Variants in EMILIN2 observed in about 807,000 individuals in gnomAD.
EMILIN2 encodes the protein elastin microfibril interfacer 2, also known as EMILIN-2.
EMILIN2 carries 71 observed loss-of-function variants against 87.1 expected under a neutral mutation model. That is an observed-to-expected ratio of 0.82 (90% CI 0.67 to 0.99). The LOEUF is 0.99. Ranked by LOEUF, EMILIN2 falls within the 50% of genes least tolerant of loss-of-function variation. The pLI, the probability that EMILIN2 is intolerant of heterozygous loss-of-function variation, is 0.00. For synonymous variants in EMILIN2, 581 were observed against 563.4 expected, an observed-to-expected ratio of 1.03 and a Z score of -0.44; for missense variants, 1,407 against 1,371.8, an observed-to-expected ratio of 1.03 and a Z score of -0.40.
At chr18:2,912,265 TC>T (rs2076944918) in intron 7 of EMILIN2, among the ~76,000 whole-genome samples, 1 of 152,036 alleles carries the variant, frequency 6.6e-6, no homozygotes. Flanking sequence ...GGTCTCAAAC[TC>T]CTGACCTCAG....
intron 2 of EMILIN2, among the ~76,000 whole-genome samples, chr18:2,870,528 C>CA (rs1305705968): frequency 1.3e-5 from 2 of 152,170 alleles, no homozygotes; most frequent in Non-Finnish European, 2.9e-5. Context: ...GAAAGATAAA[C>CA]ATAAATAATT....
intron 2 of EMILIN2, among the ~76,000 whole-genome samples, chr18:2,866,538 CATTA>C (rs1190337893): frequency 6.6e-6 from 1 of 152,156 alleles, no homozygotes; most frequent in Non-Finnish European, 1.5e-5. Flanking sequence ...GATTTGTGTA[CATTA>C]ATTTTGTATC....
intron 2 of EMILIN2, among the ~76,000 whole-genome samples, chr18:2,851,400 G>A (rs1003305207): frequency 7.9e-5 from 12 of 152,102 alleles, no homozygotes; most frequent in Non-Finnish European, 2.9e-5. Flanking sequence ...ACGTCACTGC[G>A]CTCCAGCCTG....
intron 2 of EMILIN2, among the ~76,000 whole-genome samples, chr18:2,854,003 A>T (rs935742558): frequency 1.3e-5 from 2 of 152,090 alleles, no homozygotes; most frequent in Non-Finnish European, 2.9e-5. Context: ...TGGTTTTAGT[A>T]TTGGGGGCTT....
At chr18:2,866,619 G>C (rs148932824) in intron 2 of EMILIN2, among the ~76,000 whole-genome samples, 1 of 152,120 alleles carries the variant, frequency 6.6e-6, no homozygotes, top group Non-Finnish European at 1.5e-5. Flanking sequence ...GGTTTTCTAC[G>C]TATATAATCA....
intron 3 of EMILIN2, among the ~76,000 whole-genome samples, chr18:2,888,955 A>G (rs188413939): frequency 3.2e-3 from 494 of 152,208 alleles, no homozygotes; most frequent in Non-Finnish European, 5.3e-3. Flanking sequence ...ATTCTGAATT[A>G]ATTTCCAATG....
intron 4 of EMILIN2, among the ~76,000 whole-genome samples, chr18:2,895,286 A>G (rs899168291): frequency 6.6e-6 from 1 of 152,082 alleles, no homozygotes; most frequent in Non-Finnish European, 1.5e-5. Context: ...CGAGCAGAGT[A>G]CAGAGGCTGA....
At chr18:2,885,519 T>C (rs1019829515) in intron 3 of EMILIN2, among the ~76,000 whole-genome samples, 17 of 152,142 alleles carry the variant, frequency 1.1e-4, no homozygotes, top group South Asian at 2.1e-4. Context: ...AAAATTGTTT[T>C]TTATTTTTTA....
Position 2,847,860 on chromosome 18 carries a change from G to A in EMILIN2, c.186G>A (p.Glu62=), listed in dbSNP as rs1399287181. ...VNKNVSCSVL[E]GSESFIQAQY... Reference sequence around the variant, plus strand: ...AGAATGTGAGCTGCTCCGTGCTGGAGGGAAGTGAGAGTTTTATTCAGGCTC... The same window carrying A: ...AGAATGTGAGCTGCTCCGTGCTGGAAGGAAGTGAGAGTTTTATTCAGGCTC... Residue 62 remains glutamate (E), a synonymous_variant, in exon 2 of 8, where the codon GAG becomes GAA. Coordinates refer to ENST00000254528, the MANE Select transcript of EMILIN2 (RefSeq NM_032048.3). This position sits in a 1 kb window ranked among gnomAD's most constrained non-coding sequence, Gnocchi z 4.5. 6.2e-7 allele frequency: 1 copy of A among 1,613,566 alleles called. No individual in the cohort carries two copies. Among genetic ancestry groups the A allele is most frequent in the Non-Finnish European group, 8.5e-7 (1 of 1,179,846 alleles).
chr18:2,870,311 G>A (rs2076713298), intron 2 of EMILIN2, among the ~76,000 whole-genome samples: 1 of 152,198 alleles, frequency 6.6e-6, no homozygotes, highest in Admixed American at 6.5e-5. Context: ...GAAAATGTTG[G>A]ATTAAGGATT....
chr18:2,850,237 G>A (rs780635938), intron 2 of EMILIN2, among the ~76,000 whole-genome samples: 1 of 151,840 alleles, frequency 6.6e-6, no homozygotes, highest in Non-Finnish European at 1.5e-5. Flanking sequence ...ACCATGTCTG[G>A]CCCCTAAGTT....
At chr18:2,889,469 G>A (rs1269405511) in intron 3 of EMILIN2, among the ~76,000 whole-genome samples, 4 of 152,002 alleles carry the variant, frequency 2.6e-5, no homozygotes, top group African/African-American at 7.2e-5. Context: ...TGTATTCAGG[G>A]CATAGTTTGT....
intron 3 of EMILIN2, among the ~76,000 whole-genome samples, chr18:2,887,360 CCCT>C (rs1286845222): frequency 6.6e-6 from 1 of 151,994 alleles, no homozygotes; most frequent in African/African-American, 2.4e-5. Flanking sequence ...AATGTTTGTC[CCCT>C]CCAAATCTCA....
intron 2 of EMILIN2, among the ~76,000 whole-genome samples, chr18:2,866,690 C>T (rs1325329808): frequency 6.6e-6 from 1 of 152,136 alleles, no homozygotes; most frequent in South Asian, 2.1e-4. Flanking sequence ...CCCTTTATTT[C>T]TTTCTTGTCT....
intron 4 of EMILIN2, among the ~76,000 whole-genome samples, chr18:2,902,303 C>T (rs56284467): frequency 6.6e-6 from 1 of 152,266 alleles, no homozygotes; most frequent in Non-Finnish European, 1.5e-5. Flanking sequence ...GTTACCAGGC[C>T]TTGTGCTAGG....
chr18:2,909,452 C>A (rs1334672376), intron 6 of EMILIN2, among the ~76,000 whole-genome samples: 3 of 152,228 alleles, frequency 2.0e-5, no homozygotes, highest in African/African-American at 7.2e-5. Context: ...TGCCCAGCCT[C>A]ACACACACCC....
At chr18:2,904,993 A>G (rs928315555) in intron 4 of EMILIN2, among the ~76,000 whole-genome samples, 1 of 152,076 alleles carries the variant, frequency 6.6e-6, no homozygotes, top group African/African-American at 2.4e-5. Context: ...TCTTACTCCT[A>G]TCTTCCACTG....
chr18:2,858,781 G>A (rs1474742649), intron 2 of EMILIN2, among the ~76,000 whole-genome samples: 1 of 150,864 alleles, frequency 6.6e-6, no homozygotes, highest in Non-Finnish European at 1.5e-5. Context: ...GATTACAGGT[G>A]CCTGCCACCA....
In EMILIN2 at chr18:2,847,708, C is replaced by T. The variant is rs551451546; in HGVS notation, c.135-101C>T. ...GCCTCCGCAGAGGGCGACGGGCCCC[C>T]CCGACCCTCGCTCGGTCTGGTGCCG... On this transcript the variant is annotated intron_variant, in intron 1 of 7. Coordinates refer to ENST00000254528, the MANE Select transcript of EMILIN2 (RefSeq NM_032048.3). The surrounding 1 kb of genome is among the most constrained non-coding windows in gnomAD (Gnocchi z 4.5). 816 of 1,491,076 alleles carry T rather than the reference C, an allele frequency of 5.5e-4. 15 individuals are homozygous for T. In the East Asian group the frequency reaches 0.017, roughly 32 times the overall value. 92.4% of individuals were successfully genotyped at this position (1,491,076 alleles called of 1,614,324 possible). A position where few individuals can be genotyped will look rare whatever the true frequency, so the allele number is the denominator to read the frequency against.
Sources: gnomAD v4.1 joint callset for allele counts (sites outside exome capture counted in the v4.1 genomes callset) on GRCh38, gnomAD v4.1.1 for gene constraint, Gnocchi (gnomAD v3.1) non-coding constraint, MANE v1.5 for transcripts, NCBI Gene and HGNC (gene_info 2026-07-23, HGNC 2026-07-21) for gene names.